TOX2: variants seen among roughly 807,000 people sequenced by gnomAD.
TOX2 encodes granulosa cell HMG box 1.
In TOX2, 15 loss-of-function variants were observed where a neutral mutation model predicts 47.4. The ratio of observed to expected loss-of-function variants is 0.32; its 90% CI spans 0.21 to 0.49. TOX2 has a LOEUF of 0.49. Ranked by LOEUF, TOX2 falls within the 20% of genes least tolerant of loss-of-function variation. The pLI is 0.99. For missense variants in TOX2, 622 were observed against 673.1 expected (o/e 0.92, Z 0.84); for synonymous variants, 290 against 296.6 (o/e 0.98, Z 0.23).
intron 3 of TOX2, among the ~76,000 whole-genome samples, chr20:44,041,032 T>C (rs1041533643): frequency 6.6e-6 from 1 of 152,110 alleles, no homozygotes; most frequent in African/African-American, 2.4e-5. Context: ...GGTTGTTTAC[T>C]GAGGGAGGGG....
intron 5 of TOX2, among the ~76,000 whole-genome samples, chr20:44,056,944 C>CT (rs2145774010): frequency 6.6e-6 from 1 of 152,196 alleles, no homozygotes; most frequent in East Asian, 1.9e-4. Context: ...GGGTGTCACT[C>CT]TGTCACCCAG....
chr20:43,946,182 G>A (rs2069467741), intron 1 of TOX2: 1 of 1,292,886 alleles, frequency 7.7e-7, no homozygotes, highest in Non-Finnish European at 1.0e-6. Context: ...CTTTAGAGGG[G>A]CCAGGAGGCC....
chr20:44,011,846 CCTGTT>C (rs1403658937), intron 3 of TOX2, among the ~76,000 whole-genome samples: 1 of 152,270 alleles, frequency 6.6e-6, no homozygotes, highest in African/African-American at 2.4e-5. Context: ...CCTGCCCTGG[CCTGTT>C]CAGCCTTGCA....
chr20:43,936,931 C>G (rs1025479077), intron 1 of TOX2, among the ~76,000 whole-genome samples: 1 of 152,228 alleles, frequency 6.6e-6, no homozygotes, highest in African/African-American at 2.4e-5. Flanking sequence ...ACTCTTCAGA[C>G]AGCAGACATT....
intron 2 of TOX2, among the ~76,000 whole-genome samples, chr20:44,004,571 G>A (rs111316060): frequency 0.015 from 2,283 of 152,268 alleles, 34 homozygotes; most frequent in Admixed American, 0.025. Context: ...GGGTGGCAAG[G>A]CACTTACCCT....
intron 2 of TOX2, among the ~76,000 whole-genome samples, chr20:43,984,061 C>T (rs776993367): frequency 6.6e-5 from 10 of 152,050 alleles, no homozygotes; most frequent in African/African-American, 9.7e-5. Context: ...GAAGAGCTCG[C>T]GATTCATATT....
chr20:44,062,450 G>A (rs76302913), intron 5 of TOX2, among the ~76,000 whole-genome samples: 2 of 151,636 alleles, frequency 1.3e-5, no homozygotes, highest in African/African-American at 4.8e-5. Context: ...CAAGGAGGTG[G>A]AAGACCTCTA....
intron 3 of TOX2, among the ~76,000 whole-genome samples, chr20:44,040,367 A>C (rs1600770864): frequency 6.6e-6 from 1 of 151,996 alleles, no homozygotes; most frequent in Admixed American, 6.6e-5. Context: ...CTGGCTGGAG[A>C]GGTGGTTGGA....
chr20:44,063,649 CAT>C (rs1451439887), intron 5 of TOX2, among the ~76,000 whole-genome samples: 1 of 152,118 alleles, frequency 6.6e-6, no homozygotes, highest in Non-Finnish European at 1.5e-5. Flanking sequence ...GATACTTGCA[CAT>C]GTTTGTAGCA....
chr20:43,958,933 T>C (rs2069712501), intron 1 of TOX2, among the ~76,000 whole-genome samples: 1 of 152,248 alleles, frequency 6.6e-6, no homozygotes. Flanking sequence ...TGAATTAGAA[T>C]AACTCATTGG....
intron 1 of TOX2, among the ~76,000 whole-genome samples, chr20:43,964,585 G>T (rs2069818065): frequency 6.6e-6 from 1 of 152,200 alleles, no homozygotes; most frequent in African/African-American, 2.4e-5. Flanking sequence ...CCTAGGCTTT[G>T]ATCTGTGTCT....
At chr20:44,002,551 CACAG>C (rs1478889815) in intron 2 of TOX2, among the ~76,000 whole-genome samples, 17 of 152,280 alleles carry the variant, frequency 1.1e-4, no homozygotes, top group Admixed American at 3.3e-4. Context: ...GAAACTGAGG[CACAG>C]AGAGGGTGTT....
Position 44,051,339 on chromosome 20 carries a change from T to C in TOX2, c.445T>C (p.Tyr149His), listed in dbSNP as rs1268197303. Residue 149 changes from tyrosine to histidine, a missense_variant, in exon 4 of 9, where the codon TAT becomes CAT. Physicochemically the swap from Tyr to His is moderately conservative, Grantham distance 83. Transcript: ENST00000341197. ...GATGGTCCACTCGGAAGTGGCTGCC[T>C]ATGACTCGGGCCGGCCCGGGCCCCT... ...QEMVHSEVAA[Y>H]DSGRPGPLLG... 2 of 1,612,750 alleles carry C rather than the reference T, an allele frequency of 1.2e-6. No homozygotes were observed. The highest frequency in any genetic ancestry group is 1.7e-6 in the Non-Finnish European group (2 of 1,179,060).
At chr20:43,917,146 C>A (rs2069064264) in intron 1 of TOX2, among the ~76,000 whole-genome samples, 1 of 152,168 alleles carries the variant, frequency 6.6e-6, no homozygotes, top group African/African-American at 2.4e-5. Context: ...ATCTGCTACT[C>A]AGTCCTTCAG....
chr20:43,994,995 G>A (rs1416550269), intron 2 of TOX2, among the ~76,000 whole-genome samples: 1 of 152,118 alleles, frequency 6.6e-6, no homozygotes, highest in African/African-American at 2.4e-5. Flanking sequence ...TCTGCCTGTA[G>A]ATAAAGGCTG....
chr20:44,042,847 G>T (rs1456978959), intron 3 of TOX2, among the ~76,000 whole-genome samples: 1 of 152,180 alleles, frequency 6.6e-6, no homozygotes, highest in Non-Finnish European at 1.5e-5. Context: ...TAATTGCTTG[G>T]GATGTGAGGA....
intron 2 of TOX2, among the ~76,000 whole-genome samples, chr20:43,988,418 T>C (rs1194063119): frequency 6.6e-6 from 1 of 152,216 alleles, no homozygotes; most frequent in African/African-American, 2.4e-5. Context: ...CTTGTAGGCA[T>C]GCTCAGTGTA....
chr20:43,946,562 A>C (rs1209663141), intron 1 of TOX2, among the ~76,000 whole-genome samples: 1 of 152,208 alleles, frequency 6.6e-6, no homozygotes, highest in Non-Finnish European at 1.5e-5. Flanking sequence ...GAATCAATAA[A>C]AATTTCTTGC....
At chr20:43,966,265 T>C (rs929854056) in intron 1 of TOX2, among the ~76,000 whole-genome samples, 1 of 152,188 alleles carries the variant, frequency 6.6e-6, no homozygotes, top group African/African-American at 2.4e-5. Context: ...ACACTGCACA[T>C]AGGAGTTGAA....
Sources: allele counts gnomAD v4.1 joint callset (sites outside exome capture counted in the v4.1 genomes callset), GRCh38; gene constraint gnomAD v4.1.1; transcripts MANE v1.5; gene names NCBI Gene and HGNC (gene_info 2026-07-23, HGNC 2026-07-21).